The following PHIP variants were observed in gnomAD, a reference collection of about 807,000 sequenced individuals.
The protein encoded by PHIP is PHIP subunit of CUL4-Ring ligase complex.
In PHIP, 54 loss-of-function variants were observed where a neutral mutation model predicts 236.8. That is an observed-to-expected ratio of 0.23 (90% CI 0.18 to 0.29). PHIP has a LOEUF of 0.29. Ranked by LOEUF, PHIP falls within the 10% of genes least tolerant of loss-of-function variation. PHIP has a pLI of 1.00. For missense variants in PHIP, 1,370 were observed against 2,190.8 expected, an observed-to-expected ratio of 0.63 and a Z score of 7.48; for synonymous variants, 756 against 718.9, an observed-to-expected ratio of 1.05 and a Z score of -0.83.
intron 6 of PHIP, among the ~76,000 whole-genome samples, chr6:79,046,464 C>A (rs2127762685): frequency 6.6e-6 from 1 of 152,200 alleles, no homozygotes; most frequent in Non-Finnish European, 1.5e-5. Flanking sequence ...TGCTTATTTC[C>A]TGCCTGCTCC....
chr6:79,012,478 AT>A (rs1770634075), intron 15 of PHIP, among the ~76,000 whole-genome samples: 1 of 151,718 alleles, frequency 6.6e-6, no homozygotes, highest in Non-Finnish European at 1.5e-5. Context: ...TTCCACCAGA[AT>A]TCTTCATCCT....
intron 24 of PHIP, among the ~76,000 whole-genome samples, chr6:78,977,847 TAA>T: frequency 6.6e-6 from 1 of 152,298 alleles, no homozygotes; most frequent in African/African-American, 2.4e-5. Flanking sequence ...ACTCTAGCAT[TAA>T]AAAGTTTTTG....
intron 6 of PHIP, among the ~76,000 whole-genome samples, chr6:79,055,709 CA>C (rs1228606921): frequency 6.6e-6 from 1 of 152,054 alleles, no homozygotes; most frequent in African/African-American, 2.4e-5. Context: ...CATCAAAGAC[CA>C]AAAGGTTCAA....
chr6:79,075,212 C>A (rs1245414974), intron 4 of PHIP, among the ~76,000 whole-genome samples: 1 of 151,994 alleles, frequency 6.6e-6, no homozygotes, highest in Non-Finnish European at 1.5e-5. Context: ...TTAGACCTAA[C>A]TAAATCTCAA....
intron 4 of PHIP, among the ~76,000 whole-genome samples, chr6:79,076,723 T>C (rs1177482533): frequency 1.3e-5 from 2 of 152,116 alleles, no homozygotes; most frequent in Non-Finnish European, 2.9e-5. Context: ...TAATAATTTT[T>C]AATTAAACGA....
rs1363133370 is a variant in PHIP, at chr6:78,947,623, C to T, written c.4206G>A (p.Arg1402=). The T allele has an allele frequency of 7.3e-7, 1 of 1,364,624 alleles. No homozygotes were observed. The allele number at this position is 1,364,624 out of a possible 1,614,324, so 84.5% of individuals were successfully genotyped here. A position where few individuals can be genotyped will look rare whatever the true frequency, so the allele number is the denominator to read the frequency against. ...SKAYTPSKRS[R]IYSMSLRLSA... ...AAAAGAAAATAATGTAATTATATAC[C>T]CTTGATCTTTTGCTTGGTGTATATG... Residue 1402 remains arginine, a splice_region_variant and synonymous_variant, in exon 36 of 40, where the codon AGG becomes AGA. Coordinates refer to ENST00000275034, the MANE Select transcript of PHIP (RefSeq NM_017934.7).
Position 78,978,640 on chromosome 6 carries a change from T to C in PHIP, c.2841A>G (p.Thr947=). 6.3e-7 allele frequency: 1 copy of C among 1,596,860 alleles called. No homozygotes were observed. Among genetic ancestry groups the C allele is most frequent in the Non-Finnish European group, 8.6e-7 (1 of 1,167,732 alleles). The change falls in exon 24 of 40, where the codon ACA becomes ACG. Residue 947 remains threonine (T), a synonymous_variant. Coordinates refer to ENST00000275034, the MANE Select transcript of PHIP (RefSeq NM_017934.7). ...ATGGACATCTTCGGGGAATGGTATC[T>C]GTAATCCATGTTGATGGCAACCATT... ...LEEWLPSTWI[T]DTIPRRCPFV... is the part of the protein sequence containing the mutation.
intron 29 of PHIP, among the ~76,000 whole-genome samples, chr6:78,964,783 T>C (rs1767025632): frequency 1.3e-5 from 2 of 152,128 alleles, no homozygotes; most frequent in African/African-American, 2.4e-5. Context: ...GAGCCACCAC[T>C]CCTGCCCTGT....
chr6:78,991,855 T>A (rs1047333680), intron 19 of PHIP, among the ~76,000 whole-genome samples: 4 of 121,814 alleles, frequency 3.3e-5, no homozygotes, highest in South Asian at 4.4e-4. Context: ...TGTTCTTAAT[T>A]TTTTTTTTTT....
At chr6:79,073,046 G>A (rs570014645) in intron 4 of PHIP, among the ~76,000 whole-genome samples, 7 of 152,154 alleles carry the variant, frequency 4.6e-5, no homozygotes, top group Admixed American at 2.6e-4. Context: ...CCCTCAATAC[G>A]ATTCTGCCTC....
chr6:78,945,524 A>C (rs376062667), intron 38 of PHIP, 27 bp from the exon 39 acceptor site: 259 of 1,365,002 alleles, frequency 1.9e-4, no homozygotes, highest in Non-Finnish European at 3.4e-5. Flanking sequence ...AAATTTAAAA[A>C]TTAAGAGTTA....
intron 35 of PHIP, among the ~76,000 whole-genome samples, chr6:78,954,064 A>G (rs1326362051): frequency 6.6e-6 from 1 of 152,126 alleles, no homozygotes; most frequent in African/African-American, 2.4e-5. Context: ...CAATAATGTC[A>G]CCTTACATTT....
Position 78,965,615 on chromosome 6 carries a change from G to A in PHIP, c.3379+88C>T, listed in dbSNP as rs567256835. 26 of 749,102 alleles carry A rather than the reference G, an allele frequency of 3.5e-5. No individual in the cohort carries two copies. The African/African-American group carries it at 3.9e-4, about 11-fold the overall frequency. 46.4% of individuals were successfully genotyped at this position (749,102 alleles called of 1,614,324 possible). A position where few individuals can be genotyped will look rare whatever the true frequency, so the allele number is the denominator to read the frequency against. ...TGTTTTCTATTTGATACTCACAACT[G>A]TAAGTGGTAGCATGTTAGCAAATCT... On this transcript the variant is annotated intron_variant, in intron 29 of 39. Coordinates refer to ENST00000275034, the MANE Select transcript of PHIP (RefSeq NM_017934.7).
chr6:79,021,673 A>G (rs1458592214), intron 9 of PHIP, among the ~76,000 whole-genome samples: 1 of 152,242 alleles, frequency 6.6e-6, no homozygotes. Context: ...GGATCTAAAA[A>G]TCAAAACAGT....
At chr6:79,031,660 T>G (rs1192175219) in intron 7 of PHIP, among the ~76,000 whole-genome samples, 1 of 152,234 alleles carries the variant, frequency 6.6e-6, no homozygotes, top group Non-Finnish European at 1.5e-5. Flanking sequence ...GAAATGTGCC[T>G]TAAAAACAGT....
intron 4 of PHIP, among the ~76,000 whole-genome samples, chr6:79,065,771 C>G (rs1773592416): frequency 7.1e-6 from 1 of 139,936 alleles, no homozygotes; most frequent in African/African-American, 2.9e-5. Flanking sequence ...ATACCACACA[C>G]ACACACACAC....
chr6:79,020,667 G>A (rs572093367), intron 9 of PHIP, among the ~76,000 whole-genome samples: 1 of 152,280 alleles, frequency 6.6e-6, no homozygotes, highest in African/African-American at 2.4e-5. Context: ...ATTTTAGAAA[G>A]GAAATCAGTA....
At chr6:78,959,351 TAAAG>T (rs1436735984) in intron 31 of PHIP, among the ~76,000 whole-genome samples, 1 of 152,030 alleles carries the variant, frequency 6.6e-6, no homozygotes, top group Non-Finnish European at 1.5e-5. Context: ...CATAGAAACA[TAAAG>T]AAAAACTGTG....
chr6:78,956,006 T>C (rs1314690623), intron 32 of PHIP: 1 of 171,342 alleles, frequency 5.8e-6, no homozygotes, highest in East Asian at 1.5e-4. Flanking sequence ...CTCTTTCTTT[T>C]ATTTTTAAAT....
Sources: gnomAD v4.1 joint callset for allele counts (sites outside exome capture counted in the v4.1 genomes callset) on GRCh38, gnomAD v4.1.1 for gene constraint, MANE v1.5 for transcripts, NCBI Gene and HGNC (gene_info 2026-07-23, HGNC 2026-07-21) for gene names.